The following RASSF3 variants were observed in gnomAD, a reference collection of about 807,000 sequenced individuals.
The protein encoded by RASSF3 is ras association domain-containing protein 3.
RASSF3 carries 19 observed loss-of-function variants against 19.9 expected under a neutral mutation model. The ratio of observed to expected loss-of-function variants is 0.96; its 90% CI spans 0.67 to 1.40. RASSF3 has a LOEUF of 1.40. RASSF3 is among the 40% of genes most tolerant of loss of function. RASSF3 has a pLI of 0.00. For synonymous variants in RASSF3, 110 were observed against 104.2 expected (o/e 1.06, Z -0.34); for missense variants, 306 against 289.8 (o/e 1.06, Z -0.41).
At chr12:64,529,859 CA>C (rs1457245094), upstream of RASSF3, among the ~76,000 whole-genome samples, 1 of 152,094 alleles carries the variant, frequency 6.6e-6, no homozygotes, top group Non-Finnish European at 1.5e-5. Context: ...CTATGACAAA[CA>C]GAAGAGAGAG....
chr12:64,671,198 A>G (rs961016174), intron 1 of RASSF3, among the ~76,000 whole-genome samples: 5 of 152,174 alleles, frequency 3.3e-5, no homozygotes, highest in African/African-American at 1.2e-4. Flanking sequence ...AAAGGGAGGC[A>G]GGATAGGGGA....
intron 2 of RASSF3, among the ~76,000 whole-genome samples, chr12:64,560,754 T>G (rs1028648761): frequency 2.0e-5 from 3 of 152,220 alleles, no homozygotes; most frequent in African/African-American, 7.2e-5. Flanking sequence ...GGATTGGATG[T>G]GCAGGAAACT....
At chr12:64,566,541 C>T (rs1869434707) in intron 2 of RASSF3, among the ~76,000 whole-genome samples, 1 of 152,086 alleles carries the variant, frequency 6.6e-6, no homozygotes, top group South Asian at 2.1e-4. Flanking sequence ...CAGTTCTGCT[C>T]AGTCATGAGG....
At chr12:64,604,905 G>A (rs534821391) in intron 2 of RASSF3, among the ~76,000 whole-genome samples, 1 of 152,076 alleles carries the variant, frequency 6.6e-6, no homozygotes, top group Non-Finnish European at 1.5e-5. Flanking sequence ...GATTACAGGC[G>A]TGAGCCACCG....
chr12:64,559,031 A>G (rs1869301203), intron 2 of RASSF3, among the ~76,000 whole-genome samples: 1 of 151,994 alleles, frequency 6.6e-6, no homozygotes, highest in Non-Finnish European at 1.5e-5. Context: ...CATACTGGTG[A>G]TTGTGGCTGC....
At chr12:64,650,037 C>A (rs183620575) in intron 1 of RASSF3, among the ~76,000 whole-genome samples, 9 of 152,306 alleles carry the variant, frequency 5.9e-5, no homozygotes, top group Admixed American at 1.3e-4. Flanking sequence ...ATAAGGCAAC[C>A]CCAAATTTAC....
chr12:64,643,584 CA>C (rs1871623763), intron 1 of RASSF3, among the ~76,000 whole-genome samples: 2 of 151,370 alleles, frequency 1.3e-5, no homozygotes, highest in South Asian at 2.1e-4. Context: ...AAAAATAAAC[CA>C]AAAACCCCAA....
intron 2 of RASSF3, among the ~76,000 whole-genome samples, chr12:64,576,850 C>CAAAAAA (rs56963418): frequency 1.2e-5 from 1 of 85,684 alleles, no homozygotes. Context: ...GACCCTGTCT[C>CAAAAAA]AAAAAAAAAA....
At chr12:64,549,497 A>T (rs927454918) in intron 2 of RASSF3, among the ~76,000 whole-genome samples, 1 of 152,192 alleles carries the variant, frequency 6.6e-6, no homozygotes, top group Non-Finnish European at 1.5e-5. Flanking sequence ...AGATTCAATG[A>T]CATAAAGTTA....
chr12:64,539,552 G>A (rs1157678779), intron 1 of RASSF3, among the ~76,000 whole-genome samples: 5 of 152,154 alleles, frequency 3.3e-5, no homozygotes, highest in Non-Finnish European at 5.9e-5. Context: ...CAAGGGGGCG[G>A]ATCACTTGAG....
At chr12:64,667,090 C>CA (rs1185959871) in intron 1 of RASSF3, among the ~76,000 whole-genome samples, 2 of 151,244 alleles carry the variant, frequency 1.3e-5, no homozygotes. Context: ...GGCAGGTCTG[C>CA]AAGAAATGGG....
chr12:64,653,922 A>C (rs1465343940), intron 1 of RASSF3: 1 of 152,400 alleles, frequency 6.6e-6, no homozygotes, highest in East Asian at 1.9e-4. Context: ...CATGGGACCC[A>C]GCTTGGAGGC....
At chr12:64,620,476 A>G (rs1366487304) in intron 1 of RASSF3, among the ~76,000 whole-genome samples, 4 of 152,204 alleles carry the variant, frequency 2.6e-5, no homozygotes, top group African/African-American at 9.6e-5. Flanking sequence ...AACAGTTGCT[A>G]TAGAATCATA....
At chr12:64,651,596 G>T (rs750047388) in intron 1 of RASSF3, among the ~76,000 whole-genome samples, 1 of 152,074 alleles carries the variant, frequency 6.6e-6, no homozygotes, top group East Asian at 1.9e-4. Flanking sequence ...CTGACCTCAA[G>T]TGATTCACCC....
chr12:64,518,103 TA>T (rs1203879647), intron 1 of RASSF3, among the ~76,000 whole-genome samples: 1 of 152,062 alleles, frequency 6.6e-6, no homozygotes. Context: ...GTTTTTAAAA[TA>T]AAAAATAATT....
At chr12:64,670,175 C>T (rs377045167) in intron 1 of RASSF3, among the ~76,000 whole-genome samples, 3 of 152,040 alleles carry the variant, frequency 2.0e-5, no homozygotes, top group Non-Finnish European at 2.9e-5. Flanking sequence ...TTAAGGAGGA[C>T]GGACAGCCTT....
intron 2 of RASSF3, among the ~76,000 whole-genome samples, chr12:64,563,012 T>C (rs1461608903): frequency 2.6e-5 from 4 of 152,140 alleles, no homozygotes; most frequent in Non-Finnish European, 5.9e-5. Context: ...CCAATGTCCG[T>C]CTACTTCTCT....
intron 1 of RASSF3, among the ~76,000 whole-genome samples, chr12:64,636,690 A>G (rs536272895): frequency 1.1e-4 from 16 of 151,536 alleles, no homozygotes; most frequent in Non-Finnish European, 1.6e-4. Context: ...ACATGGCGAA[A>G]CCCCTGTCTC....
At chr12:64,690,979 G>C (rs1488176839) in intron 3 of RASSF3, among the ~76,000 whole-genome samples, 3 of 151,984 alleles carry the variant, frequency 2.0e-5, no homozygotes, top group African/African-American at 7.2e-5. Context: ...TCCTGCCTCG[G>C]CCTCCCAAGT....
Sources: allele counts gnomAD v4.1 joint callset (sites outside exome capture counted in the v4.1 genomes callset), GRCh38; gene constraint gnomAD v4.1.1; transcripts MANE v1.5; gene names NCBI Gene and HGNC (gene_info 2026-07-23, HGNC 2026-07-21).